Variants in KCND2 observed in about 807,000 individuals in gnomAD.
KCND2 encodes the protein potassium voltage-gated channel subfamily D member 2, also known as A-type voltage-gated potassium channel KCND2.
A neutral mutation model predicts 54.4 loss-of-function variants in KCND2; 16 were observed. That is an observed-to-expected ratio of 0.29 (90% CI 0.20 to 0.45). KCND2 has a LOEUF of 0.45. Ranked by LOEUF, KCND2 falls within the 20% of genes least tolerant of loss-of-function variation. The pLI is 1.00. For missense variants in KCND2, 486 were observed against 824.2 expected (o/e 0.59, Z 5.02); for synonymous variants, 317 against 310.7 (o/e 1.02, Z -0.21).
chr7:120,298,343 T>C (rs557842129), intron 1 of KCND2, among the ~76,000 whole-genome samples: 2 of 152,190 alleles, frequency 1.3e-5, no homozygotes, highest in African/African-American at 4.8e-5. Flanking sequence ...TGTGTTATGA[T>C]GGTATTGAAA....
At chr7:120,433,547 C>T (rs890211232) in intron 1 of KCND2, among the ~76,000 whole-genome samples, 3 of 152,196 alleles carry the variant, frequency 2.0e-5, no homozygotes, top group African/African-American at 7.2e-5. Context: ...GTTTATAAGC[C>T]TGTCTTGAAC....
chr7:120,725,076 T>C (rs990348634), intron 1 of KCND2, among the ~76,000 whole-genome samples: 10 of 151,926 alleles, frequency 6.6e-5, no homozygotes. Context: ...AGGAAAAAAA[T>C]AGGAAACAGG....
intron 1 of KCND2, among the ~76,000 whole-genome samples, chr7:120,685,130 T>G (rs1316416164): frequency 1.3e-5 from 2 of 152,146 alleles, no homozygotes; most frequent in Non-Finnish European, 2.9e-5. Flanking sequence ...CCAAAAAGTT[T>G]CGGGACTGCT....
chr7:120,476,693 G>A (rs1428845592), intron 1 of KCND2, among the ~76,000 whole-genome samples: 2 of 152,078 alleles, frequency 1.3e-5, no homozygotes, highest in African/African-American at 4.8e-5. Flanking sequence ...ATAACCTCAC[G>A]AATTTCATCT....
intron 1 of KCND2, among the ~76,000 whole-genome samples, chr7:120,354,093 TGTTCA>T (rs2116389488): frequency 6.6e-6 from 1 of 152,322 alleles, no homozygotes; most frequent in Admixed American, 6.5e-5. Flanking sequence ...CTTGTGCCCT[TGTTCA>T]GTTGACAAAC....
chr7:120,386,336 G>T (rs925500653), intron 1 of KCND2, among the ~76,000 whole-genome samples: 4 of 152,172 alleles, frequency 2.6e-5, no homozygotes, highest in African/African-American at 9.6e-5. Flanking sequence ...TGCATCCCAG[G>T]TTAATCATTT....
At chr7:120,712,988 C>G (rs142661668) in intron 1 of KCND2, among the ~76,000 whole-genome samples, 2 of 152,148 alleles carry the variant, frequency 1.3e-5, no homozygotes, top group East Asian at 1.9e-4. Context: ...GTCATGCCCA[C>G]GTAGCCCTTG....
chr7:120,297,119 A>G (rs1349323554), intron 1 of KCND2, among the ~76,000 whole-genome samples: 1 of 152,050 alleles, frequency 6.6e-6, no homozygotes, highest in Non-Finnish European at 1.5e-5. Flanking sequence ...TGTATCCATT[A>G]CCCACATCAC....
At chr7:120,613,154 A>G (rs1792977910) in intron 1 of KCND2, among the ~76,000 whole-genome samples, 1 of 151,858 alleles carries the variant, frequency 6.6e-6, no homozygotes, top group South Asian at 2.1e-4. Flanking sequence ...AGTGATTCAG[A>G]CAAACAGCAT....
At chr7:120,310,682 A>T (rs1242059617) in intron 1 of KCND2, among the ~76,000 whole-genome samples, 1 of 152,170 alleles carries the variant, frequency 6.6e-6, no homozygotes, top group Non-Finnish European at 1.5e-5. Flanking sequence ...GTGGTGGCTC[A>T]TCCCAGCACT....
At chr7:120,326,914 G>A (rs1799986653) in intron 1 of KCND2, among the ~76,000 whole-genome samples, 1 of 151,994 alleles carries the variant, frequency 6.6e-6, no homozygotes, top group Non-Finnish European at 1.5e-5. Context: ...AAACAAATGT[G>A]ATCTGTTGCC....
intron 1 of KCND2, among the ~76,000 whole-genome samples, chr7:120,532,109 T>C (rs1054645046): frequency 6.6e-6 from 1 of 152,068 alleles, no homozygotes; most frequent in Non-Finnish European, 1.5e-5. Flanking sequence ...GAAGCAAAAA[T>C]GGTGATTCTA....
intron 1 of KCND2, among the ~76,000 whole-genome samples, chr7:120,381,906 A>G (rs1800921583): frequency 6.6e-6 from 1 of 152,056 alleles, no homozygotes; most frequent in African/African-American, 2.4e-5. Flanking sequence ...GAGGTTTAAC[A>G]GTAAACTATT....
At chr7:120,367,008 T>C (rs371603015) in intron 1 of KCND2, among the ~76,000 whole-genome samples, 131 of 152,224 alleles carry the variant, frequency 8.6e-4, no homozygotes, top group African/African-American at 2.8e-3. Context: ...AAAAATTTGG[T>C]GTGTAACCAC....
Position 120,274,608 on chromosome 7 carries a change from C to A in KCND2, c.-25C>A. Reference sequence around the variant, plus strand: ...GACCCATTGTAGACGCCTCGTTACCCTTCTTCCTTCCGCTTCAAGTAATCA... The same window carrying A: ...GACCCATTGTAGACGCCTCGTTACCATTCTTCCTTCCGCTTCAAGTAATCA... On this transcript the variant is annotated 5_prime_UTR_variant, in exon 1 of 6. Coordinates refer to ENST00000331113, the MANE Select transcript of KCND2 (RefSeq NM_012281.3). 6.2e-7 allele frequency: 1 copy of A among 1,614,124 alleles called. No individual in the cohort carries two copies. The highest frequency in any genetic ancestry group is 8.5e-7 in the Non-Finnish European group (1 of 1,180,024).
At chr7:120,527,416 A>G (rs1197421876) in intron 1 of KCND2, among the ~76,000 whole-genome samples, 1 of 152,132 alleles carries the variant, frequency 6.6e-6, no homozygotes, top group East Asian at 1.9e-4. Context: ...TCGGTACACT[A>G]CATCTCTAGT....
At chr7:120,662,729 A>G (rs765479032) in intron 1 of KCND2, among the ~76,000 whole-genome samples, 72 of 152,364 alleles carry the variant, frequency 4.7e-4, no homozygotes, top group Non-Finnish European at 7.8e-4. Flanking sequence ...CTTAGGCACC[A>G]AATCAACTAC....
chr7:120,420,488 G>A (rs780326752), intron 1 of KCND2, among the ~76,000 whole-genome samples: 3 of 152,180 alleles, frequency 2.0e-5, no homozygotes, highest in Non-Finnish European at 4.4e-5. Flanking sequence ...TGTTGAAAGA[G>A]CAGTTTTCTG....
chr7:120,706,765 C>T (rs1792473863), intron 1 of KCND2, among the ~76,000 whole-genome samples: 2 of 152,118 alleles, frequency 1.3e-5, no homozygotes, highest in Non-Finnish European at 2.9e-5. Context: ...CCAGAAAATA[C>T]TTTCTGTGAA....
Sources: gnomAD v4.1 joint callset for allele counts (sites outside exome capture counted in the v4.1 genomes callset) on GRCh38, gnomAD v4.1.1 for gene constraint, MANE v1.5 for transcripts, NCBI Gene and HGNC (gene_info 2026-07-23, HGNC 2026-07-21) for gene names.